Variants in GALNTL6 observed in about 807,000 individuals in gnomAD.
GALNTL6 encodes the protein polypeptide N-acetylgalactosaminyltransferase-like 6.
GALNTL6 carries 46 observed loss-of-function variants against 73.7 expected under a neutral mutation model. The observed-to-expected ratio is 0.62, with a 90% confidence interval of 0.49 to 0.80. The LOEUF is 0.80. GALNTL6 is among the 30% of genes least tolerant of loss of function. The pLI is 0.00. For missense variants in GALNTL6, 604 were observed against 755.0 expected, an observed-to-expected ratio of 0.80 and a Z score of 2.34; for synonymous variants, 259 against 263.7, an observed-to-expected ratio of 0.98 and a Z score of 0.17.
intron 2 of GALNTL6, among the ~76,000 whole-genome samples, chr4:172,063,743 C>T (rs1423129355): frequency 6.6e-6 from 1 of 152,112 alleles, no homozygotes; most frequent in African/African-American, 2.4e-5. Context: ...TGTACTTATA[C>T]GTTGGGCTTT....
chr4:171,958,794 C>T (rs917786000), intron 2 of GALNTL6, among the ~76,000 whole-genome samples: 3 of 151,966 alleles, frequency 2.0e-5, no homozygotes, highest in Non-Finnish European at 2.9e-5. Context: ...CATTACATAG[C>T]CCATTATTTA....
intron 5 of GALNTL6, among the ~76,000 whole-genome samples, chr4:172,397,389 C>T (rs916298976): frequency 2.0e-5 from 3 of 151,942 alleles, no homozygotes; most frequent in African/African-American, 4.8e-5. Context: ...GTAATGTTAG[C>T]GTGCATAATC....
chr4:172,968,288 A>G (rs912724287), intron 10 of GALNTL6, among the ~76,000 whole-genome samples: 3 of 152,316 alleles, frequency 2.0e-5, no homozygotes, highest in Admixed American at 2.0e-4. Flanking sequence ...TTCACGCCCA[A>G]TAGGAGAAGA....
At chr4:172,589,453 A>G (rs1737550679) in intron 5 of GALNTL6, among the ~76,000 whole-genome samples, 1 of 152,132 alleles carries the variant, frequency 6.6e-6, no homozygotes, top group African/African-American at 2.4e-5. Flanking sequence ...GATTCCTATT[A>G]CCTCTTGGAT....
intron 2 of GALNTL6, among the ~76,000 whole-genome samples, chr4:171,854,708 C>A (rs1256868190): frequency 1.3e-5 from 2 of 152,178 alleles, no homozygotes; most frequent in African/African-American, 4.8e-5. Context: ...GGCTGGCTTC[C>A]TGGTTCCCAG....
chr4:172,380,880 A>G (rs910117775), intron 5 of GALNTL6, among the ~76,000 whole-genome samples: 1 of 152,178 alleles, frequency 6.6e-6, no homozygotes, highest in African/African-American at 2.4e-5. Context: ...TTTTTGCAAT[A>G]GAATGATAAT....
intron 4 of GALNTL6, among the ~76,000 whole-genome samples, chr4:172,313,252 A>G (rs1740427909): frequency 6.6e-6 from 1 of 151,344 alleles, no homozygotes; most frequent in Admixed American, 6.6e-5. Flanking sequence ...CAGCCTCCCG[A>G]GTAGCTGGGA....
chr4:172,983,976 C>A (rs1751185264), intron 10 of GALNTL6, among the ~76,000 whole-genome samples: 1 of 151,538 alleles, frequency 6.6e-6, no homozygotes, highest in African/African-American at 2.4e-5. Flanking sequence ...TTACTGAAGT[C>A]CATGGGGTAT....
intron 2 of GALNTL6, among the ~76,000 whole-genome samples, chr4:171,921,842 T>G (rs1737798095): frequency 6.6e-6 from 1 of 152,070 alleles, no homozygotes; most frequent in South Asian, 2.1e-4. Flanking sequence ...CTGGTTTATC[T>G]TAAAAAATAA....
intron 5 of GALNTL6, among the ~76,000 whole-genome samples, chr4:172,749,596 C>G (rs982248858): frequency 3.3e-5 from 5 of 151,984 alleles, no homozygotes; most frequent in African/African-American, 9.7e-5. Context: ...AATCCCATGT[C>G]CCTAAGCCCC....
chr4:171,952,123 TA>T (rs1407867039), intron 2 of GALNTL6, among the ~76,000 whole-genome samples: 1 of 152,020 alleles, frequency 6.6e-6, no homozygotes, highest in Non-Finnish European at 1.5e-5. Context: ...GGAATGGAGA[TA>T]AACTAGTGCA....
chr4:172,465,388 G>T (rs1222069300), intron 5 of GALNTL6, among the ~76,000 whole-genome samples: 1 of 151,908 alleles, frequency 6.6e-6, no homozygotes, highest in Non-Finnish European at 1.5e-5. Context: ...GAGGCAGGAG[G>T]ATGGTGTGAA....
At chr4:172,037,997 T>C (rs965940104) in intron 2 of GALNTL6, among the ~76,000 whole-genome samples, 4 of 151,986 alleles carry the variant, frequency 2.6e-5, no homozygotes, top group Non-Finnish European at 4.4e-5. Flanking sequence ...CACACGCCTG[T>C]AATCCCAGCT....
At chr4:172,077,319 A>G (rs921898858) in intron 2 of GALNTL6, among the ~76,000 whole-genome samples, 1 of 152,126 alleles carries the variant, frequency 6.6e-6, no homozygotes, top group African/African-American at 2.4e-5. Context: ...AAAGCCGGGC[A>G]CTTTCTAGAA....
intron 5 of GALNTL6, among the ~76,000 whole-genome samples, chr4:172,621,499 T>C (rs1457259512): frequency 6.6e-6 from 1 of 152,176 alleles, no homozygotes; most frequent in African/African-American, 2.4e-5. Flanking sequence ...ACAATTAATC[T>C]ACTTCCAACT....
chr4:172,655,951 T>C (rs1730980411), intron 5 of GALNTL6, among the ~76,000 whole-genome samples: 1 of 152,156 alleles, frequency 6.6e-6, no homozygotes, highest in Non-Finnish European at 1.5e-5. Flanking sequence ...GATTTTACTG[T>C]GGATTTGATA....
chr4:172,944,968 G>A (rs572848662), intron 9 of GALNTL6, among the ~76,000 whole-genome samples: 15 of 150,448 alleles, frequency 1.0e-4, no homozygotes, highest in African/African-American at 3.7e-4. Flanking sequence ...TGAGGCAGGA[G>A]AATCACTTGA....
intron 5 of GALNTL6, among the ~76,000 whole-genome samples, chr4:172,700,793 A>C (rs757277680): frequency 2.6e-5 from 4 of 152,210 alleles, no homozygotes; most frequent in Non-Finnish European, 4.4e-5. Flanking sequence ...ACAAATAAGC[A>C]TGATTTCTAA....
At chr4:172,533,014 A>ATTT (rs34090962) in intron 5 of GALNTL6, among the ~76,000 whole-genome samples, 4 of 143,566 alleles carry the variant, frequency 2.8e-5, no homozygotes, top group South Asian at 2.2e-4. Flanking sequence ...TTTTTGTAGA[A>ATTT]TTTTTTTTTT....
Sources: gnomAD v4.1 joint callset for allele counts (sites outside exome capture counted in the v4.1 genomes callset) on GRCh38, gnomAD v4.1.1 for gene constraint, MANE v1.5 for transcripts, NCBI Gene and HGNC (gene_info 2026-07-23, HGNC 2026-07-21) for gene names.